CDH12: variants seen among roughly 807,000 people sequenced by gnomAD.
The protein encoded by CDH12 is cadherin 12.
CDH12 carries 41 observed loss-of-function variants against 74.1 expected under a neutral mutation model. That is an observed-to-expected ratio of 0.55 (90% confidence interval 0.43 to 0.72). The LOEUF is 0.72. CDH12 is among the 30% of genes least tolerant of loss of function. CDH12 has a pLI of 0.00. For missense variants in CDH12, 945 were observed against 977.2 expected (o/e 0.97, Z 0.44); for synonymous variants, 399 against 355.0 (o/e 1.12, Z -1.39).
intron 1 of CDH12, among the ~76,000 whole-genome samples, chr5:22,764,540 A>C (rs778824174): frequency 6.6e-6 from 1 of 152,026 alleles, no homozygotes; most frequent in Non-Finnish European, 1.5e-5. Context: ...TATAATGAAG[A>C]ACATGGTATT....
intron 3 of CDH12, among the ~76,000 whole-genome samples, chr5:22,364,019 A>T (rs1002909851): frequency 2.0e-5 from 3 of 152,128 alleles, no homozygotes; most frequent in Non-Finnish European, 4.4e-5. Context: ...CTCCTCCCTC[A>T]CTAGGCTGCC....
At chr5:22,316,694 T>C (rs1738646575) in intron 3 of CDH12, among the ~76,000 whole-genome samples, 1 of 152,156 alleles carries the variant, frequency 6.6e-6, no homozygotes, top group African/African-American at 2.4e-5. Flanking sequence ...TTAATGTTTA[T>C]GTTGTTATTT....
At chr5:22,405,537 T>C (rs1401571329) in intron 2 of CDH12, among the ~76,000 whole-genome samples, 186 bp from the exon 3 acceptor site, 1 of 152,206 alleles carries the variant, frequency 6.6e-6, no homozygotes, top group East Asian at 1.9e-4. Context: ...CCAAAGATAG[T>C]AACTCTCTGG....
intron 12 of CDH12, among the ~76,000 whole-genome samples, chr5:21,761,710 T>G (rs1006646232): frequency 6.7e-6 from 1 of 150,098 alleles, no homozygotes; most frequent in Non-Finnish European, 1.5e-5. Flanking sequence ...AGATGTTAGA[T>G]ATGTAGGTAG....
chr5:22,774,186 T>G (rs1187089711), intron 1 of CDH12, among the ~76,000 whole-genome samples: 2 of 152,164 alleles, frequency 1.3e-5, no homozygotes, highest in East Asian at 3.9e-4. Context: ...GTATGTTCAT[T>G]GTAGCACTAT....
At chr5:21,819,998 C>T (rs751319207) in intron 8 of CDH12, among the ~76,000 whole-genome samples, 3 of 151,836 alleles carry the variant, frequency 2.0e-5, no homozygotes, top group Non-Finnish European at 4.4e-5. Context: ...AATTACACAT[C>T]GATGAAAATG....
At chr5:21,800,811 C>T (rs923767230) in intron 10 of CDH12, among the ~76,000 whole-genome samples, 1 of 152,114 alleles carries the variant, frequency 6.6e-6, no homozygotes, top group African/African-American at 2.4e-5. Flanking sequence ...TGAGTTCTTA[C>T]AAAATCTGAT....
intron 3 of CDH12, among the ~76,000 whole-genome samples, chr5:22,249,916 A>G (rs1561254870): frequency 1.3e-5 from 2 of 152,184 alleles, no homozygotes; most frequent in Non-Finnish European, 2.9e-5. Context: ...ATGTAAAGGT[A>G]CAAGAAAGAA....
intron 1 of CDH12, among the ~76,000 whole-genome samples, chr5:22,750,901 G>A (rs1459734670): frequency 7.0e-6 from 1 of 142,370 alleles, no homozygotes. Flanking sequence ...GGTATTTAAT[G>A]TTAGGAAATC....
At chr5:21,763,864 A>G (rs1360399113) in intron 12 of CDH12, among the ~76,000 whole-genome samples, 1 of 152,194 alleles carries the variant, frequency 6.6e-6, no homozygotes, top group Non-Finnish European at 1.5e-5. Flanking sequence ...TTCACAGAAT[A>G]ATATTAACTT....
chr5:22,249,372 T>G (rs977550288), intron 3 of CDH12, among the ~76,000 whole-genome samples: 4 of 152,148 alleles, frequency 2.6e-5, no homozygotes, highest in African/African-American at 9.7e-5. Flanking sequence ...GACAGCTGCG[T>G]GGCGGGAGGC....
In CDH12 at chr5:22,551,717, C is replaced by T. The variant is rs191652331; in HGVS notation, c.-522-46353G>A. Among the ~76,000 whole-genome samples, 45 of 148,872 alleles carry T rather than the reference C, an allele frequency of 3.0e-4. No homozygotes were observed. In the East Asian group the frequency reaches 3.1e-3, roughly 10 times the overall value. On this transcript the variant is annotated intron_variant, in intron 1 of 14. Transcript: ENST00000382254. ...AAATGCCTATGGAAAAAAGAAGCAACCCATTATAAAAAAAATAAATAAACC... is the reference window on the plus strand; with the variant it reads ...AAATGCCTATGGAAAAAAGAAGCAATCCATTATAAAAAAAATAAATAAACC...
At chr5:22,381,384 T>C (rs1268343666) in intron 3 of CDH12, among the ~76,000 whole-genome samples, 4 of 152,102 alleles carry the variant, frequency 2.6e-5, no homozygotes, top group Non-Finnish European at 4.4e-5. Flanking sequence ...ATAGGTAGTG[T>C]TTGTTAATGA....
intron 4 of CDH12, chr5:22,143,157 A>T (rs1746912129): frequency 6.6e-6 from 1 of 152,502 alleles, no homozygotes; most frequent in Non-Finnish European, 1.5e-5. Context: ...TACTAACCTT[A>T]CATACACTCT....
intron 6 of CDH12, among the ~76,000 whole-genome samples, chr5:21,886,507 CAA>C (rs1341637397): frequency 6.9e-6 from 1 of 145,026 alleles, no homozygotes; most frequent in Middle Eastern, 3.5e-3. Flanking sequence ...AACAAAACCT[CAA>C]AGAGTTTACA....
intron 3 of CDH12, among the ~76,000 whole-genome samples, chr5:22,244,655 G>C (rs1028312612): frequency 6.8e-6 from 1 of 146,406 alleles, no homozygotes; most frequent in Non-Finnish European, 1.5e-5. Context: ...GAGAGAGAAA[G>C]AGAGAGGAAA....
chr5:21,802,324 C>T lies in CDH12; in HGVS notation c.1099G>A (p.Asp367Asn). ...HRFHSAGPFK[D>N]TATVKISVLD... ...ACGCTGATCTTCACCGTAGCTGTGT[C>T]TTTGAAAGGGCCCGCCGAGTGAAAC... Residue 367 changes from aspartate to asparagine, a missense_variant, in exon 10 of 15, where the codon GAC (aspartate) becomes AAC (asparagine). By Grantham distance (23) the Asp-to-Asn change is conservative. Around this residue, in one of 3 missense-constraint regions of CDH12, gnomAD observed 791 missense variants for 792.8 expected, o/e 1.00. Coordinates refer to ENST00000382254, the MANE Select transcript of CDH12 (RefSeq NM_004061.5). 1.9e-6 allele frequency: 3 copies of T among 1,613,880 alleles called. No homozygotes were observed. Among genetic ancestry groups the T allele is most frequent in the Non-Finnish European group, 2.5e-6 (3 of 1,179,956 alleles).
intron 1 of CDH12, among the ~76,000 whole-genome samples, chr5:22,784,396 A>G (rs1747526609): frequency 6.6e-6 from 1 of 151,834 alleles, no homozygotes; most frequent in Non-Finnish European, 1.5e-5. Context: ...CACACTTAAC[A>G]CTCTTTCACC....
intron 1 of CDH12, among the ~76,000 whole-genome samples, chr5:22,595,080 AT>A (rs1206867701): frequency 2.6e-5 from 4 of 152,166 alleles, no homozygotes; most frequent in Admixed American, 6.5e-5. Context: ...TGGCCTTTAA[AT>A]TTTAATGGAA....
Sources: allele counts gnomAD v4.1 joint callset (sites outside exome capture counted in the v4.1 genomes callset), GRCh38; gene constraint gnomAD v4.1.1; regional missense constraint gnomAD v4.1.1; transcripts MANE v1.5; gene names NCBI Gene and HGNC (gene_info 2026-07-23, HGNC 2026-07-21).